The following AKAP10 variants were observed in gnomAD, a reference collection of about 807,000 sequenced individuals.
The protein encoded by AKAP10 is A-kinase anchor protein 10, mitochondrial.
A neutral mutation model predicts 80.8 loss-of-function variants in AKAP10; 24 were observed. The ratio of observed to expected loss-of-function variants is 0.30; its 90% confidence interval spans 0.22 to 0.42. The LOEUF (loss-of-function observed/expected upper bound fraction) is 0.42. Ranked by LOEUF, AKAP10 falls within the 10% of genes least tolerant of loss-of-function variation. The probability of loss-of-function intolerance (pLI) is 1.00; values close to 1 mark genes in which losing one functional copy is unlikely to be tolerated. For synonymous variants in AKAP10, 291 were observed against 277.7 expected, an observed-to-expected ratio of 1.05 and a Z score of -0.48; for missense variants, 661 against 794.9, an observed-to-expected ratio of 0.83 and a Z score of 2.03.
At chr17:19,909,895 G>GTAGGAT (rs2042670572) in intron 13 of AKAP10, 31 bp downstream of exon 13, 2 of 1,608,184 alleles carry the variant, frequency 1.2e-6, no homozygotes, top group Non-Finnish European at 1.7e-6. Flanking sequence ...CTTATAAACA[G>GTAGGAT]AAATCTTTTT....
intron 7 of AKAP10, 59 bp downstream of exon 7, chr17:19,940,828 C>A: frequency 6.6e-7 from 1 of 1,513,240 alleles, no homozygotes; most frequent in Non-Finnish European, 8.8e-7. Context: ...AGGGCCCCAG[C>A]ATTGATAGTT....
intron 3 of AKAP10, among the ~76,000 whole-genome samples, chr17:19,958,842 C>CTTTTTT (rs772496178): frequency 1.1e-5 from 1 of 92,936 alleles, no homozygotes; most frequent in Non-Finnish European, 2.4e-5. Context: ...CATGTAAATT[C>CTTTTTT]TTTTTTTTTT....
chr17:19,949,576 C>T (rs1266708014), intron 4 of AKAP10, among the ~76,000 whole-genome samples: 2 of 151,664 alleles, frequency 1.3e-5, no homozygotes, highest in African/African-American at 4.8e-5. Context: ...TCGAGACCAT[C>T]CTGGCCAACA....
chr17:19,949,777 A>G (rs1567768020), intron 4 of AKAP10, among the ~76,000 whole-genome samples: 3 of 123,360 alleles, frequency 2.4e-5, no homozygotes, highest in South Asian at 2.3e-4. Flanking sequence ...TCAAAAAAAA[A>G]AGAGAAAAAA....
chr17:19,904,513 G>C lies in AKAP10; in HGVS notation c.*1714C>G, dbSNP rs1323185560. On this transcript the variant is annotated 3_prime_UTR_variant, in exon 15 of 15. Coordinates refer to ENST00000225737, the MANE Select transcript of AKAP10 (RefSeq NM_007202.4). The stretch of plus-strand genomic sequence containing the variant: ...CATTTTATTCTATAACCTTTATATT[G>C]CTTTTCTGTTAAAGATTGAAGCAAT... 1 of 152,108 alleles carries C rather than the reference G, an allele frequency of 6.6e-6. No homozygotes were observed. Among genetic ancestry groups the C allele is most frequent in the Non-Finnish European group, 1.5e-5 (1 of 68,026 alleles). The allele number at this position is 152,108 out of a possible 1,614,324, so 9.4% of individuals were successfully genotyped here.
chr17:19,959,398 G>A (rs1055735948), intron 3 of AKAP10, among the ~76,000 whole-genome samples: 1 of 152,090 alleles, frequency 6.6e-6, no homozygotes, highest in African/African-American at 2.4e-5. Context: ...CTTTTTGGAG[G>A]AGCATTCAGG....
At chr17:19,950,140 T>C (rs1004506290) in intron 4 of AKAP10, among the ~76,000 whole-genome samples, 21 of 152,046 alleles carry the variant, frequency 1.4e-4, no homozygotes, top group African/African-American at 4.8e-4. Context: ...CTGTCTCTAC[T>C]AAAAATACAA....
chr17:19,906,323 T>C, intron 14 of AKAP10, 91 bp from the exon 15 acceptor site: 1 of 1,406,500 alleles, frequency 7.1e-7, no homozygotes. Flanking sequence ...CAACACTTAG[T>C]GTTTACTATA....
At chr17:19,951,668 T>C (rs2043215595) in intron 4 of AKAP10, among the ~76,000 whole-genome samples, 1 of 152,092 alleles carries the variant, frequency 6.6e-6, no homozygotes, top group South Asian at 2.1e-4. Context: ...GTGCAAGATG[T>C]GCTTTGTTAA....
At chr17:19,942,632 G>C (rs2043061454) in intron 5 of AKAP10, among the ~76,000 whole-genome samples, 1 of 152,164 alleles carries the variant, frequency 6.6e-6, no homozygotes, top group South Asian at 2.1e-4. Flanking sequence ...AATGTTATTG[G>C]TAGAAATTTT....
At chr17:19,915,811 T>G (rs1450770104) in intron 12 of AKAP10, among the ~76,000 whole-genome samples, 2 of 152,254 alleles carry the variant, frequency 1.3e-5, no homozygotes, top group Non-Finnish European at 1.5e-5. Flanking sequence ...GTTGTTTCTC[T>G]GCTTCTCTTC....
rs2043303538 is a variant in AKAP10 at position 19,958,203 on chromosome 17, T to C, written c.688A>G (p.Asn230Asp). 1 of 1,614,078 alleles carries C rather than the reference T, an allele frequency of 6.2e-7. No homozygotes were observed. Among genetic ancestry groups the C allele is most frequent in the South Asian group, 1.1e-5 (1 of 91,092 alleles). Residue 230 changes from asparagine (N) to aspartate (D), a missense_variant, in exon 4 of 15, where the codon AAC becomes GAC. Coordinates refer to ENST00000225737, the MANE Select transcript of AKAP10 (RefSeq NM_007202.4). ...SEGIDLNNRT[N>D]STQNHLLLSQ... The stretch of plus-strand genomic sequence containing the variant: ...AGCAGCAAGTGATTCTGAGTGCTGT[T>C]AGTTCTATTATTCAGGTCAATTCCT...
Position 19,958,329 on chromosome 17 carries a change from G to A in AKAP10, c.562C>T (p.Pro188Ser), listed in dbSNP as rs778031140. The A allele has an allele frequency of 2.2e-5, 35 of 1,614,090 alleles. No homozygotes were observed. The highest frequency in any genetic ancestry group is 2.9e-5 in the Non-Finnish European group (34 of 1,180,044). The change falls in exon 4 of 15, where the codon CCA becomes TCA. Residue 188 changes from proline to serine, a missense_variant. Pro to Ser is a moderately conservative substitution (Grantham distance 74, BLOSUM62 -1). Coordinates refer to ENST00000225737, the MANE Select transcript of AKAP10 (RefSeq NM_007202.4). Reference sequence around the variant, plus strand: ...GCTGTAGTTTCATGCTTTTTAGATGGAGAGACAGGCTCAGCCAGTGAGCTC... The same window carrying A: ...GCTGTAGTTTCATGCTTTTTAGATGAAGAGACAGGCTCAGCCAGTGAGCTC... ...KQSSLAEPVSPSKKHETTASF... is the reference protein window; with the variant it reads ...KQSSLAEPVSSSKKHETTASF...
intron 5 of AKAP10, among the ~76,000 whole-genome samples, chr17:19,942,547 T>G (rs1472783474): frequency 6.6e-6 from 1 of 152,198 alleles, no homozygotes; most frequent in Non-Finnish European, 1.5e-5. Flanking sequence ...ACCCTTTCAA[T>G]GAGCAATTCT....
At chr17:19,973,398 T>C (rs1307957706) in intron 1 of AKAP10, among the ~76,000 whole-genome samples, 2 of 152,234 alleles carry the variant, frequency 1.3e-5, no homozygotes, top group Non-Finnish European at 2.9e-5. Flanking sequence ...AAAATATTTA[T>C]GATTTGGCCC....
At chr17:19,944,418 A>T (rs1292049143) in intron 5 of AKAP10, among the ~76,000 whole-genome samples, 1 of 152,150 alleles carries the variant, frequency 6.6e-6, no homozygotes, top group African/African-American at 2.4e-5. Flanking sequence ...TTGGGAGGCC[A>T]AGGTGAGTAG....
At chr17:19,966,259 A>C (rs1318136397) in intron 2 of AKAP10, among the ~76,000 whole-genome samples, 1 of 152,136 alleles carries the variant, frequency 6.6e-6, no homozygotes, top group East Asian at 1.9e-4. Flanking sequence ...AATCAATAAT[A>C]AACTTCTATC....
chr17:19,920,899 T>TAAAAAAAAAAAAAAAAAAAAA (rs2042805982), intron 11 of AKAP10, among the ~76,000 whole-genome samples: 1 of 112,804 alleles, frequency 8.9e-6, no homozygotes, highest in African/African-American at 3.6e-5. Flanking sequence ...AAAAATACAG[T>TAAAAAAAAAAAAAAAAAAAAA]AAGGGTCTTA....
At chr17:19,932,120 C>T in intron 9 of AKAP10, 142 bp from the exon 10 acceptor site, 1 of 791,804 alleles carries the variant, frequency 1.3e-6, no homozygotes, top group Non-Finnish European at 1.9e-6. Context: ...TGTTGTACTA[C>T]AAGTATTATC....
Sources: gnomAD v4.1 joint callset for allele counts (sites outside exome capture counted in the v4.1 genomes callset) on GRCh38, gnomAD v4.1.1 for gene constraint, MANE v1.5 for transcripts, NCBI Gene and HGNC (gene_info 2026-07-23, HGNC 2026-07-21) for gene names.